Variants in CSN3 observed in about 807,000 individuals in gnomAD.
CSN3 encodes the protein kappa-casein.
CSN3 carries 7 observed loss-of-function variants against 9.9 expected under a neutral mutation model. The ratio of observed to expected loss-of-function variants is 0.71; its 90% CI spans 0.40 to 1.33. The LOEUF is 1.33. Among genes scored for constraint, CSN3 ranks in the 40% most tolerant of loss-of-function variants. The pLI, the probability that CSN3 is intolerant of heterozygous loss-of-function variation, is 0.01. For synonymous variants in CSN3, 88 were observed against 82.3 expected, an observed-to-expected ratio of 1.07 and a Z score of -0.37; for missense variants, 253 against 227.9, an observed-to-expected ratio of 1.11 and a Z score of -0.71.
At chr4:70,240,502 G>C (rs1560494808), upstream of CSN3, among the ~76,000 whole-genome samples, 1 of 151,972 alleles carries the variant, frequency 6.6e-6, no homozygotes, top group African/African-American at 2.4e-5. Context: ...TCTCAGTTTG[G>C]AGGCCTTGTT....
chr4:70,248,987 T>G lies in CSN3; in HGVS notation c.88-11T>G. 1 of 1,542,690 alleles carries G rather than the reference T, an allele frequency of 6.5e-7. No individual in the cohort carries two copies. Among genetic ancestry groups the G allele is most frequent in the Non-Finnish European group, 8.7e-7 (1 of 1,145,202 alleles). ...AATAATAATATTCTGTATAATTTATTTTTTTTGCAGTGCCATGAGAATGAT... is the reference window on the plus strand; with the variant it reads ...AATAATAATATTCTGTATAATTTATGTTTTTTGCAGTGCCATGAGAATGAT... On this transcript the variant is annotated splice_polypyrimidine_tract_variant and intron_variant, in intron 3 of 4. Transcript: ENST00000304954.
At chr4:70,239,127 G>A (rs1343646756), upstream of CSN3, among the ~76,000 whole-genome samples, 2 of 151,678 alleles carry the variant, frequency 1.3e-5, no homozygotes, top group African/African-American at 4.8e-5. Flanking sequence ...GGTGGATGCT[G>A]GAAGAATTTT....
chr4:70,244,915 A>T, intron 2 of CSN3, 42 bp downstream of exon 2: 1 of 1,323,098 alleles, frequency 7.6e-7, no homozygotes, highest in South Asian at 1.8e-5. Context: ...GACTTTAAGA[A>T]AATTTTGTTT....
chr4:70,246,898 C>T (rs1206979935), intron 2 of CSN3, among the ~76,000 whole-genome samples: 1 of 152,012 alleles, frequency 6.6e-6, no homozygotes, highest in Non-Finnish European at 1.5e-5. Flanking sequence ...TCTTGAACCC[C>T]TGACCTCAGA....
At chr4:70,245,629 C>A (rs1040043595) in intron 2 of CSN3, among the ~76,000 whole-genome samples, 2 of 151,976 alleles carry the variant, frequency 1.3e-5, no homozygotes, top group Non-Finnish European at 2.9e-5. Context: ...ACAAAGGAGG[C>A]AAGCATAAAT....
chr4:70,249,555 C>A, intron 4 of CSN3, 62 bp downstream of exon 4: 1 of 971,350 alleles, frequency 1.0e-6, no homozygotes, highest in Non-Finnish European at 1.5e-6. Flanking sequence ...TGAATACAAC[C>A]ATAAATTCTA....
intron 2 of CSN3, among the ~76,000 whole-genome samples, chr4:70,245,659 C>G (rs962397045): frequency 3.3e-5 from 5 of 152,038 alleles, no homozygotes; most frequent in African/African-American, 9.7e-5. Flanking sequence ...TGTCCTCCTC[C>G]TAGATTGTAA....
At chr4:70,249,432 A>G in exon 4 of CSN3, 2 of 1,613,838 alleles carry the variant, frequency 1.2e-6, no homozygotes, top group Non-Finnish European at 1.7e-6. Context: ...AGACAACCAC[A>G]GTTGCAGTTA....
chr4:70,240,393 C>T (rs1489510343), upstream of CSN3, among the ~76,000 whole-genome samples: 1 of 151,936 alleles, frequency 6.6e-6, no homozygotes, highest in Non-Finnish European at 1.5e-5. Flanking sequence ...TGCTGGTTCT[C>T]TTCCCACAAT....
In CSN3 at chr4:70,249,295, A is replaced by G. The variant is rs748620098; in HGVS notation, c.385A>G (p.Ile129Val). 1.9e-5 allele frequency: 31 copies of G among 1,613,990 alleles called. No individual in the cohort carries two copies. Among genetic ancestry groups the G allele is most frequent in the Non-Finnish European group, 2.5e-5 (30 of 1,180,018 alleles). Residue 129 changes from isoleucine to valine, a missense_variant, in exon 4 of 5, where the codon ATA becomes GTA. Coordinates refer to ENST00000304954, the Ensembl canonical transcript of CSN3. ...CCCCCCAAAGAAAATTCAGGATAAA[A>G]TAATCATCCCTACCATCAATACCAT... is the stretch of plus-strand genomic sequence containing the variant.
chr4:70,241,810 T>C (rs1730275851), upstream of CSN3, among the ~76,000 whole-genome samples: 3 of 152,018 alleles, frequency 2.0e-5, no homozygotes, highest in African/African-American at 4.8e-5. Flanking sequence ...AAGAGGATAA[T>C]AAATCACTAA....
intron 1 of CSN3, among the ~76,000 whole-genome samples, chr4:70,243,921 A>G (rs1730321606): frequency 6.6e-6 from 1 of 152,108 alleles, no homozygotes; most frequent in Non-Finnish European, 1.5e-5. Context: ...AGTATGTTAT[A>G]AAGAAAACAG....
intron 2 of CSN3, among the ~76,000 whole-genome samples, chr4:70,245,519 AG>A (rs1306902873): frequency 1.3e-5 from 2 of 152,108 alleles, no homozygotes; most frequent in African/African-American, 4.8e-5. Context: ...ACTTAGAAAA[AG>A]GTTCTGTTTT....
chr4:70,243,964 C>T (rs1027597179), intron 1 of CSN3, among the ~76,000 whole-genome samples: 2 of 152,016 alleles, frequency 1.3e-5, no homozygotes, highest in African/African-American at 2.4e-5. Flanking sequence ...TTCCATCCTA[C>T]ATACTTCTGT....
upstream of CSN3, among the ~76,000 whole-genome samples, chr4:70,238,757 T>A (rs1052267856): frequency 6.6e-6 from 1 of 151,726 alleles, no homozygotes; most frequent in African/African-American, 2.4e-5. Context: ...ATTGTTAAGA[T>A]AGAATTAATA....
upstream of CSN3, among the ~76,000 whole-genome samples, chr4:70,239,370 A>G (rs867451836): frequency 3.3e-5 from 5 of 151,912 alleles, no homozygotes; most frequent in Non-Finnish European, 7.4e-5. Flanking sequence ...CTGGCTGTTT[A>G]TTTTGAATGG....
At chr4:70,250,256 T>C (rs1207391954) in intron 4 of CSN3, among the ~76,000 whole-genome samples, 9 of 151,986 alleles carry the variant, frequency 5.9e-5, no homozygotes, top group Non-Finnish European at 4.4e-5. Flanking sequence ...GTAAAATAAT[T>C]TGGGGAGAAA....
In CSN3 at chr4:70,246,192, ATAGT is replaced by A. The variant is rs550670687; in HGVS notation, c.54+1323_54+1326del. ...TTTTATCCCTTCCCCCAAAATAAAAATAGTTAGATAATATTTTACTAGCACTTAT... is the reference window on the plus strand; with the variant it reads ...TTTTATCCCTTCCCCCAAAATAAAAATAGATAATATTTTACTAGCACTTAT... On this transcript the variant is annotated intron_variant, in intron 2 of 4. Coordinates refer to ENST00000304954, the Ensembl canonical transcript of CSN3. 2.0e-3 allele frequency among the ~76,000 whole-genome samples: 300 copies of A among 152,302 alleles called. 1 individual carries two copies. The highest frequency in any genetic ancestry group is 6.7e-3 in the African/African-American group (277 of 41,584).
At chr4:70,249,572 T>A (rs908341876) in intron 4 of CSN3, 79 bp downstream of exon 4, 58 of 851,328 alleles carry the variant, frequency 6.8e-5, no homozygotes, top group Non-Finnish European at 9.1e-5. Flanking sequence ...TCTAAAATAG[T>A]ACAAATAGAT....
Sources: allele counts gnomAD v4.1 joint callset (sites outside exome capture counted in the v4.1 genomes callset), GRCh38; gene constraint gnomAD v4.1.1; transcripts MANE v1.5; gene names NCBI Gene and HGNC (gene_info 2026-07-23, HGNC 2026-07-21).